Variants in DNAH14 observed in about 807,000 individuals in gnomAD.
DNAH14 encodes axonemal beta dynein heavy chain 14.
Under a neutral mutation model 520.9 loss-of-function variants are expected in DNAH14, and 478 were observed. That is an observed-to-expected ratio of 0.92 (90% CI 0.85 to 0.99). The LOEUF is 0.99. Ranked by LOEUF, DNAH14 falls within the 50% of genes least tolerant of loss-of-function variation. The pLI is 0.00. For missense variants in DNAH14, 4,831 were observed against 5,234.5 expected, an observed-to-expected ratio of 0.92 and a Z score of 2.38; for synonymous variants, 1,581 against 1,757.2, an observed-to-expected ratio of 0.90 and a Z score of 2.51.
At chr1:225,115,111 C>T (rs372752441) in intron 23 of DNAH14, among the ~76,000 whole-genome samples, 25 of 152,274 alleles carry the variant, frequency 1.6e-4, no homozygotes, top group African/African-American at 5.5e-4. Context: ...TGAGATGATG[C>T]ATTTAAAGCA....
At chr1:225,287,530 T>C (rs770137462) in intron 54 of DNAH14, among the ~76,000 whole-genome samples, 34 of 152,184 alleles carry the variant, frequency 2.2e-4, no homozygotes, top group Middle Eastern at 6.3e-3. Flanking sequence ...AAGTTAAACT[T>C]ATTTTTAGCT....
rs367971582 is a variant in DNAH14, at chr1:224,967,592, T to C, written c.651+9T>C. The C allele has an allele frequency of 1.8e-5, 28 of 1,598,978 alleles. No homozygotes were observed. Among genetic ancestry groups the C allele is most frequent in the African/African-American group, 1.2e-4 (9 of 73,962 alleles). The stretch of plus-strand genomic sequence containing the variant: ...CTTCATTTATCTCAAAGGTAATGTT[T>C]AATGGATGTTTTAAGCTTTCAGAAT... On this transcript the variant is annotated intron_variant, in intron 6 of 85. Coordinates refer to ENST00000682510, the MANE Select transcript of DNAH14 (RefSeq NM_001367479.1).
intron 49 of DNAH14, among the ~76,000 whole-genome samples, chr1:225,269,824 C>T (rs2093257426): frequency 6.6e-6 from 1 of 152,170 alleles, no homozygotes; most frequent in Non-Finnish European, 1.5e-5. Context: ...CAGGAAACAA[C>T]AGGTGCTGGA....
At chr1:225,397,755 A>T (rs936237820) in intron 84 of DNAH14, 1 of 152,224 alleles carries the variant, frequency 6.6e-6, no homozygotes, top group Non-Finnish European at 1.5e-5. Flanking sequence ...TCAAAAATAT[A>T]TGGAACCCGG....
intron 21 of DNAH14, among the ~76,000 whole-genome samples, chr1:225,089,115 A>C (rs2074089885): frequency 6.6e-6 from 1 of 152,198 alleles, no homozygotes; most frequent in Non-Finnish European, 1.5e-5. Context: ...CTATGAGGCC[A>C]GTATTACCCT....
intron 83 of DNAH14, among the ~76,000 whole-genome samples, chr1:225,391,716 G>A (rs1208706489): frequency 6.6e-6 from 1 of 152,116 alleles, no homozygotes; most frequent in Non-Finnish European, 1.5e-5. Flanking sequence ...GGAGCACAGG[G>A]AGAGGAGCAG....
In DNAH14 at chr1:224,952,744, A is replaced by G; in HGVS notation, c.42A>G (p.Gln14=). 5 of 1,603,348 alleles carry G rather than the reference A, an allele frequency of 3.1e-6. No homozygotes were observed. The highest frequency in any genetic ancestry group is 4.3e-6 in the Non-Finnish European group (5 of 1,175,052). The change falls in exon 2 of 86, where the codon CAA becomes CAG. Residue 14 remains glutamine (Q), a synonymous_variant. Transcript: ENST00000682510. ...FIPIDLTTEN[Q]EMDKEETKTK... is the part of the protein sequence containing the mutation. ...CCATTGATTTGACAACTGAAAATCA[A>G]GAGATGGACAAGGAGGAAACCAAGA... is the stretch of plus-strand genomic sequence containing the variant.
chr1:225,349,762 G>T (rs1392170676), intron 71 of DNAH14, among the ~76,000 whole-genome samples: 1 of 152,150 alleles, frequency 6.6e-6, no homozygotes, highest in Non-Finnish European at 1.5e-5. Flanking sequence ...AGTAATAAAT[G>T]CTTATTCACT....
At chr1:225,214,855 C>A (rs1424277295) in intron 41 of DNAH14, among the ~76,000 whole-genome samples, 5 of 151,892 alleles carry the variant, frequency 3.3e-5, no homozygotes, top group Non-Finnish European at 5.9e-5. Context: ...TTTCAAAAAA[C>A]CAGCTCCTGG....
chr1:225,149,875 A>G (rs1475304298), intron 31 of DNAH14, among the ~76,000 whole-genome samples: 2 of 152,134 alleles, frequency 1.3e-5, no homozygotes, highest in Admixed American at 6.5e-5. Flanking sequence ...CTCTCTTCCT[A>G]TTTGGATGCC....
At chr1:225,290,595 A>ATGTGTGTG (rs148361934) in intron 55 of DNAH14, among the ~76,000 whole-genome samples, 1 of 138,792 alleles carries the variant, frequency 7.2e-6, no homozygotes, top group African/African-American at 2.6e-5. Flanking sequence ...TCATATATAT[A>ATGTGTGTG]TGTGTGTGTG....
chr1:225,326,639 A>G (rs985006749), intron 64 of DNAH14, among the ~76,000 whole-genome samples: 5 of 150,470 alleles, frequency 3.3e-5, no homozygotes, highest in African/African-American at 1.3e-4. Context: ...CCAAGAAAGA[A>G]AAAAAAATTC....
At chr1:225,078,822 CT>C (rs1475310196) in intron 17 of DNAH14, among the ~76,000 whole-genome samples, 14 of 70,870 alleles carry the variant, frequency 2.0e-4, no homozygotes, top group East Asian at 1.6e-3. Flanking sequence ...CTCTCTCTCT[CT>C]CCCTCTCTCT....
chr1:225,130,016 A>G (rs2078216236), intron 27 of DNAH14, among the ~76,000 whole-genome samples: 1 of 152,246 alleles, frequency 6.6e-6, no homozygotes, highest in African/African-American at 2.4e-5. Context: ...AGGGATATGA[A>G]CAGACACTTC....
chr1:225,366,633 G>A (rs1373389884), intron 76 of DNAH14, among the ~76,000 whole-genome samples: 1 of 152,148 alleles, frequency 6.6e-6, no homozygotes, highest in Non-Finnish European at 1.5e-5. Flanking sequence ...ACATGCCTTG[G>A]AAAATAGAGA....
rs181809694 is a variant in DNAH14 at position 225,047,233 on chromosome 1, C to A, written c.1913-2977C>A. On this transcript the variant is annotated intron_variant, in intron 15 of 85. Transcript: ENST00000682510. ...TGATACCTCAGACCCCAATCCAATA[C>A]CTCAGGGTTCATTCTAGCCTTTTCT... 2.2e-4 allele frequency among the ~76,000 whole-genome samples: 34 copies of A among 152,238 alleles called. No individual in the cohort carries two copies. In the East Asian group the frequency reaches 6.2e-3, roughly 28 times the overall value.
chr1:225,195,257 C>G (rs1023973152), intron 38 of DNAH14, among the ~76,000 whole-genome samples: 14 of 152,014 alleles, frequency 9.2e-5, no homozygotes, highest in African/African-American at 3.1e-4. Flanking sequence ...TGGAATTAAC[C>G]TAGATGCCCA....
At chr1:225,337,199 C>A in intron 66 of DNAH14, 67 bp from the exon 67 acceptor site, 3 of 1,232,744 alleles carry the variant, frequency 2.4e-6, no homozygotes, top group South Asian at 2.7e-5. Flanking sequence ...TCTTTTAGTA[C>A]CCTGTAGGAT....
intron 17 of DNAH14, among the ~76,000 whole-genome samples, chr1:225,062,550 GA>G (rs34829728): frequency 0.74 from 112,053 of 151,526 alleles, 44,260 homozygotes; most frequent in Non-Finnish European, 0.88. Flanking sequence ...AAGCTATGAA[GA>G]AAAAAAAAGC....
Sources: gnomAD v4.1 joint callset for allele counts (sites outside exome capture counted in the v4.1 genomes callset) on GRCh38, gnomAD v4.1.1 for gene constraint, MANE v1.5 for transcripts, NCBI Gene and HGNC (gene_info 2026-07-23, HGNC 2026-07-21) for gene names.